COL5A2: variants seen among roughly 807,000 people sequenced by gnomAD.
COL5A2 encodes collagen alpha-2(V) chain.
In COL5A2, 23 loss-of-function variants were observed where a neutral mutation model predicts 208.2. The ratio of observed to expected loss-of-function variants is 0.11; its 90% CI spans 0.08 to 0.16. COL5A2 has a LOEUF of 0.16. Among genes scored for constraint, COL5A2 ranks in the 10% least tolerant of loss-of-function variants. COL5A2 has a pLI of 1.00. For missense variants in COL5A2, 1,590 were observed against 1,956.4 expected (o/e 0.81, Z 3.53); for synonymous variants, 625 against 628.5 (o/e 0.99, Z 0.08).
chr2:189,242,119 G>A, the COL5A2 span, among the ~76,000 whole-genome samples: 4 of 152,116 alleles, frequency 2.6e-5, no homozygotes, highest in Admixed American at 6.5e-5. Flanking sequence ...CTTGTCATAT[G>A]TATAGTGTGA....
chr2:189,306,589 G>A, the COL5A2 span, among the ~76,000 whole-genome samples: 1 of 152,178 alleles, frequency 6.6e-6, no homozygotes, highest in African/African-American at 2.4e-5. Flanking sequence ...CTTCCTCAAT[G>A]AGGACCTGTC....
At chr2:189,137,853 A>T (rs965964514) in intron 1 of COL5A2, among the ~76,000 whole-genome samples, 2 of 152,198 alleles carry the variant, frequency 1.3e-5, no homozygotes, top group African/African-American at 4.8e-5. Context: ...ATAGAAATCA[A>T]TATTTGTGTT....
At chr2:189,112,688 A>G (rs2105717630) in intron 1 of COL5A2, among the ~76,000 whole-genome samples, 1 of 152,334 alleles carries the variant, frequency 6.6e-6, no homozygotes, top group South Asian at 2.1e-4. Flanking sequence ...TATCTAATCA[A>G]CAAAACAGTA....
intron 1 of COL5A2, among the ~76,000 whole-genome samples, chr2:189,184,911 G>A (rs543401912): frequency 3.3e-5 from 5 of 152,278 alleles, no homozygotes; most frequent in South Asian, 4.1e-4. Flanking sequence ...GATTAGACAC[G>A]AGGTTTATCA....
At chr2:189,228,453 G>A (rs1433611327), upstream of COL5A2, among the ~76,000 whole-genome samples, 1 of 151,576 alleles carries the variant, frequency 6.6e-6, no homozygotes, top group Non-Finnish European at 1.5e-5. Flanking sequence ...AACTAAAATG[G>A]ACATCAAAGA....
Position 189,041,606 on chromosome 2 carries a change from C to T in COL5A2, c.3613G>A (p.Val1205Ile), listed in dbSNP as rs377660244. 5.1e-5 allele frequency: 83 copies of T among 1,613,830 alleles called. 1 individual carries two copies. Among genetic ancestry groups the T allele is most frequent in the South Asian group, 2.9e-4 (26 of 91,078 alleles). ...TTTACCTCAGGTCCTGCTTCTCCTA[C>T]ACTGCCTCGTACACCTGGAGGTCCA... ...PIGPPGVRGSVGEAGPEGPPG... is the reference protein window; with the variant it reads ...PIGPPGVRGSIGEAGPEGPPG... The change falls in exon 50 of 54, where the codon GTA becomes ATA. Residue 1205 changes from valine (V) to isoleucine (I), a missense_variant. Val to Ile is a conservative substitution (Grantham distance 29). Transcript: ENST00000374866.
the COL5A2 span, among the ~76,000 whole-genome samples, chr2:189,290,184 T>C: frequency 6.6e-6 from 1 of 152,160 alleles, no homozygotes; most frequent in Admixed American, 6.5e-5. Context: ...CATGCACTTA[T>C]AGTCAATTGA....
At chr2:189,324,674 T>A in the COL5A2 span, among the ~76,000 whole-genome samples, 7 of 152,200 alleles carry the variant, frequency 4.6e-5, no homozygotes, top group African/African-American at 1.4e-4. Flanking sequence ...ACAACAGGTG[T>A]TGGAGAGGAT....
the COL5A2 span, among the ~76,000 whole-genome samples, chr2:189,315,219 A>T: frequency 6.6e-6 from 1 of 152,124 alleles, no homozygotes; most frequent in African/African-American, 2.4e-5. Flanking sequence ...AAAATATATC[A>T]AAATAGCTGA....
chr2:189,179,483 C>T (rs751168158), intron 1 of COL5A2, 25 bp downstream of exon 1: 6 of 1,606,586 alleles, frequency 3.7e-6, no homozygotes, highest in South Asian at 1.1e-5. Context: ...ATAAACACTA[C>T]AAGCAAAGCA....
intron 1 of COL5A2, among the ~76,000 whole-genome samples, chr2:189,125,912 T>C (rs1357618645): frequency 1.3e-5 from 2 of 152,088 alleles, no homozygotes; most frequent in African/African-American, 2.4e-5. Flanking sequence ...TTATTTCTTA[T>C]GGGATCCAGG....
intron 1 of COL5A2, among the ~76,000 whole-genome samples, chr2:189,214,499 A>T (rs2105871503): frequency 6.6e-6 from 1 of 152,230 alleles, no homozygotes; most frequent in Admixed American, 6.5e-5. Flanking sequence ...TTCCAAGAAG[A>T]AATGACGAAA....
chr2:189,427,800 C>CT, the COL5A2 span, among the ~76,000 whole-genome samples: 1 of 152,298 alleles, frequency 6.6e-6, no homozygotes, highest in East Asian at 1.9e-4. Flanking sequence ...TTGCACAGGC[C>CT]TATAGACTCT....
At chr2:189,368,555 T>A in the COL5A2 span, among the ~76,000 whole-genome samples, 1 of 152,188 alleles carries the variant, frequency 6.6e-6, no homozygotes, top group African/African-American at 2.4e-5. Flanking sequence ...CCTTCATGCA[T>A]TACCTAACAC....
At chr2:189,077,348 G>A (rs965295974) in intron 16 of COL5A2, among the ~76,000 whole-genome samples, 1 of 152,122 alleles carries the variant, frequency 6.6e-6, no homozygotes, top group African/African-American at 2.4e-5. Context: ...ATGGGTCTTG[G>A]TCCTGAAGAT....
chr2:189,115,409 A>G (rs1037207069), intron 1 of COL5A2, among the ~76,000 whole-genome samples: 6 of 115,926 alleles, frequency 5.2e-5, no homozygotes, highest in Admixed American at 3.6e-4. Context: ...CTGTGGGGGA[A>G]AAAAAAAAAG....
chr2:189,123,083 A>T (rs1687539552), intron 1 of COL5A2, among the ~76,000 whole-genome samples: 1 of 151,278 alleles, frequency 6.6e-6, no homozygotes, highest in Non-Finnish European at 1.5e-5. Flanking sequence ...TCCCACCTCA[A>T]CCTCCCGAGT....
chr2:189,199,411 G>A (rs1689044015), intron 1 of COL5A2, among the ~76,000 whole-genome samples: 1 of 152,078 alleles, frequency 6.6e-6, no homozygotes, highest in Non-Finnish European at 1.5e-5. Flanking sequence ...TGTTTAGAGG[G>A]AAATAAAGCA....
intron 1 of COL5A2, among the ~76,000 whole-genome samples, chr2:189,147,796 A>G (rs913275144): frequency 6.6e-6 from 1 of 152,094 alleles, no homozygotes; most frequent in African/African-American, 2.4e-5. Context: ...CAGGCCATCT[A>G]CATGCCTTAA....
Sources: allele counts gnomAD v4.1 joint callset (sites outside exome capture counted in the v4.1 genomes callset), GRCh38; gene constraint gnomAD v4.1.1; transcripts MANE v1.5; gene names NCBI Gene and HGNC (gene_info 2026-07-23, HGNC 2026-07-21).